Variants in PRKN observed in about 807,000 individuals in gnomAD.
PRKN encodes the protein E3 ubiquitin-protein ligase parkin.
A neutral mutation model predicts 59.5 loss-of-function variants in PRKN; 56 were observed. The ratio of observed to expected loss-of-function variants is 0.94; its 90% confidence interval spans 0.76 to 1.18. The LOEUF is 1.18. Ranked by LOEUF, PRKN falls within the 50% of genes most tolerant of loss-of-function variation. The pLI, the probability that PRKN is intolerant of heterozygous loss-of-function variation, is 0.00. For synonymous variants in PRKN, 250 were observed against 222.1 expected, an observed-to-expected ratio of 1.13 and a Z score of -1.12; for missense variants, 657 against 596.4, an observed-to-expected ratio of 1.10 and a Z score of -1.06.
chr6:161,545,732 T>C lies in PRKN; in HGVS notation c.1083+3122A>G, dbSNP rs940693825. 1.3e-5 allele frequency among the ~76,000 whole-genome samples: 2 copies of C among 152,206 alleles called. No individual in the cohort carries two copies. The highest frequency in any genetic ancestry group is 4.8e-5 in the African/African-American group (2 of 41,466). On this transcript the variant is annotated intron_variant, in intron 9 of 11. Transcript: ENST00000366898. This position sits in a 1 kb window ranked among gnomAD's most constrained non-coding sequence, Gnocchi z 4.1. The stretch of plus-strand genomic sequence containing the variant: ...ATATGCTATAGGGAGCCCACAGATG[T>C]AGCTTTAGATTTTCTAGCAGTCAAC...
intron 10 of PRKN, among the ~76,000 whole-genome samples, chr6:161,370,591 C>CAAAAAAAAAAA (rs560655971): frequency 0.017 from 955 of 57,764 alleles, 134 homozygotes; most frequent in African/African-American, 0.076. Flanking sequence ...GACTCTGTGT[C>CAAAAAAAAAAA]AAAAAAAAAA....
At chr6:161,615,192 G>A (rs1782646732) in intron 7 of PRKN, among the ~76,000 whole-genome samples, 1 of 151,888 alleles carries the variant, frequency 6.6e-6, no homozygotes, top group Non-Finnish European at 1.5e-5. Context: ...TATAGAGAGG[G>A]GTCTTGAAAC....
chr6:162,708,840 T>C (rs1212667372), intron 1 of PRKN, among the ~76,000 whole-genome samples: 2 of 151,966 alleles, frequency 1.3e-5, no homozygotes, highest in Non-Finnish European at 2.9e-5. Flanking sequence ...GCCATAGGGG[T>C]CCGTGGCCTG....
chr6:162,094,540 G>A (rs1199006409), intron 4 of PRKN, among the ~76,000 whole-genome samples: 1 of 152,058 alleles, frequency 6.6e-6, no homozygotes, highest in East Asian at 1.9e-4. Context: ...AATTTGGAAA[G>A]GCAAGGCTAT....
rs116745146 is a variant in PRKN, at chr6:162,168,245, A to G, written c.534+32886T>C. 9.2e-3 allele frequency among the ~76,000 whole-genome samples: 1,398 copies of G among 152,216 alleles called. 24 individuals are homozygous for G. Among genetic ancestry groups the G allele is most frequent in the African/African-American group, 0.032 (1,320 of 41,526 alleles). ...GCTGCATAAACCACTAAGTTTTTCTAGAAGCAAGTGATAATGCTTTATCAT... is the reference window on the plus strand; with the variant it reads ...GCTGCATAAACCACTAAGTTTTTCTGGAAGCAAGTGATAATGCTTTATCAT... On this transcript the variant is annotated intron_variant, in intron 4 of 11. Coordinates refer to ENST00000366898, the MANE Select transcript of PRKN (RefSeq NM_004562.3).
intron 10 of PRKN, among the ~76,000 whole-genome samples, chr6:161,374,158 G>A (rs1666734263): frequency 1.3e-5 from 2 of 152,162 alleles, no homozygotes. Context: ...TGCCCGTGGG[G>A]TATGCGGTGT....
chr6:162,412,241 G>A (rs138228847), intron 2 of PRKN, among the ~76,000 whole-genome samples: 232 of 152,236 alleles, frequency 1.5e-3, no homozygotes, highest in Non-Finnish European at 2.5e-3. Context: ...GAGTTGAACT[G>A]CACAAAGCAA....
chr6:162,521,946 G>A (rs1052780965), intron 1 of PRKN, among the ~76,000 whole-genome samples: 20 of 152,054 alleles, frequency 1.3e-4, no homozygotes, highest in African/African-American at 4.8e-4. Flanking sequence ...ATCATAGGAG[G>A]TTTGACGCAA....
intron 6 of PRKN, among the ~76,000 whole-genome samples, chr6:161,819,596 T>C (rs989785263): frequency 6.6e-6 from 1 of 152,134 alleles, no homozygotes; most frequent in Non-Finnish European, 1.5e-5. Flanking sequence ...TTACCCCCAA[T>C]CAAATTCCCA....
rs1173835684 is a variant in PRKN at position 162,279,929 on chromosome 6, CCTTT to C, written c.172-17168_172-17165del. Among the ~76,000 whole-genome samples the C allele has an allele frequency of 2.4e-4, 36 of 152,148 alleles. 1 individual carries two copies. The highest frequency in any genetic ancestry group is 8.2e-4 in the African/African-American group (34 of 41,508). Reference sequence around the variant, plus strand: ...TTGATCCCTTTACCATTATGTAATGCCTTTCTTTGTCTGTTTTGATCTTTGTTGG... The same window carrying C: ...TTGATCCCTTTACCATTATGTAATGCCTTTGTCTGTTTTGATCTTTGTTGG... On this transcript the variant is annotated intron_variant, in intron 2 of 11. Transcript: ENST00000366898.
At chr6:162,012,465 C>T (rs1429141450) in intron 5 of PRKN, among the ~76,000 whole-genome samples, 2 of 151,784 alleles carry the variant, frequency 1.3e-5, no homozygotes, top group Admixed American at 6.6e-5. Flanking sequence ...TATGTAATTA[C>T]TTTTTCTAAA....
chr6:161,706,109 C>A (rs571783745), intron 7 of PRKN, among the ~76,000 whole-genome samples: 2 of 152,140 alleles, frequency 1.3e-5, no homozygotes, highest in Admixed American at 6.6e-5. Flanking sequence ...CCTTTCCCCC[C>A]ACATCCTCAA....
At chr6:161,847,404 G>C (rs1793244905) in intron 6 of PRKN, among the ~76,000 whole-genome samples, 1 of 152,166 alleles carries the variant, frequency 6.6e-6, no homozygotes, top group Non-Finnish European at 1.5e-5. Context: ...GAGACTATCA[G>C]AAGAAATGCA....
intron 9 of PRKN, among the ~76,000 whole-genome samples, chr6:161,469,714 C>A (rs376537072): frequency 4.5e-4 from 68 of 152,306 alleles, no homozygotes; most frequent in Non-Finnish European, 1.3e-4. Context: ...GATTCTCCCC[C>A]ACAGCCTCCA....
intron 6 of PRKN, among the ~76,000 whole-genome samples, chr6:161,865,714 T>G (rs1794085350): frequency 6.6e-6 from 1 of 152,212 alleles, no homozygotes; most frequent in Non-Finnish European, 1.5e-5. Flanking sequence ...AGGGCCTTGC[T>G]CTGGATTAGG....
intron 7 of PRKN, among the ~76,000 whole-genome samples, chr6:161,616,926 G>C (rs1253655296): frequency 6.6e-6 from 1 of 152,192 alleles, no homozygotes; most frequent in African/African-American, 2.4e-5. Flanking sequence ...TATATACCCA[G>C]TAATGAGATT....
intron 4 of PRKN, among the ~76,000 whole-genome samples, chr6:162,077,526 T>A (rs1031179894): frequency 1.3e-5 from 2 of 152,074 alleles, no homozygotes; most frequent in African/African-American, 4.8e-5. Context: ...TAGAGGGACC[T>A]GGAGGAGGTC....
In PRKN at chr6:161,855,509, A is replaced by G. The variant is rs1342775686; in HGVS notation, c.735-69601T>C. The stretch of plus-strand genomic sequence containing the variant: ...AATCCACCATTCATCTGATGAGATC[A>G]CAGCATTTAGAAGAGTACTCCAAAC... On this transcript the variant is annotated intron_variant, in intron 6 of 11. Transcript: ENST00000366898. Among the ~76,000 whole-genome samples, 6 of 152,236 alleles carry G rather than the reference A, an allele frequency of 3.9e-5. No individual in the cohort carries two copies. The East Asian group carries it at 9.6e-4, about 24-fold the overall frequency.
intron 4 of PRKN, among the ~76,000 whole-genome samples, chr6:162,120,104 A>G (rs73016607): frequency 0.045 from 6,820 of 152,228 alleles, 193 homozygotes; most frequent in Middle Eastern, 0.065. Context: ...TGCAGCCTCA[A>G]CTTCTCAGGC....
Sources: gnomAD v4.1 joint callset for allele counts (sites outside exome capture counted in the v4.1 genomes callset) on GRCh38, gnomAD v4.1.1 for gene constraint, Gnocchi (gnomAD v3.1) non-coding constraint, MANE v1.5 for transcripts, NCBI Gene and HGNC (gene_info 2026-07-23, HGNC 2026-07-21) for gene names.